SAXO5: variants seen among roughly 807,000 people sequenced by gnomAD.
SAXO5 encodes the protein stabilizer of axonemal microtubules 5.
chr19:7,499,126 A>C, the SAXO5 span, among the ~76,000 whole-genome samples: 9 of 151,974 alleles, frequency 5.9e-5, no homozygotes, highest in African/African-American at 2.2e-4. Context: ...AGCCTGACCA[A>C]TGTGGTGAAA....
At chr19:7,503,840 A>C in the SAXO5 span, among the ~76,000 whole-genome samples, 1 of 152,208 alleles carries the variant, frequency 6.6e-6, no homozygotes. Flanking sequence ...ATGTTGCCCA[A>C]GCTGGTCTCC....
chr19:7,507,977 C>T, the SAXO5 span, among the ~76,000 whole-genome samples: 4 of 152,234 alleles, frequency 2.6e-5, no homozygotes, highest in Non-Finnish European at 5.9e-5. Flanking sequence ...GGCCAAGCCC[C>T]GCCCCTGCAT....
the SAXO5 span, among the ~76,000 whole-genome samples, chr19:7,498,511 C>G: frequency 6.6e-6 from 1 of 151,740 alleles, no homozygotes; most frequent in East Asian, 1.9e-4. Context: ...ATTCTCCTGC[C>G]TCAGCCTCTG....
the SAXO5 span, among the ~76,000 whole-genome samples, chr19:7,502,236 G>C: frequency 6.6e-6 from 1 of 152,078 alleles, no homozygotes; most frequent in Non-Finnish European, 1.5e-5. Flanking sequence ...CTCCCAGGCA[G>C]CTGGGACTGC....
the SAXO5 span, chr19:7,506,007 A>G: frequency 1.9e-6 from 3 of 1,603,386 alleles, no homozygotes; most frequent in East Asian, 6.7e-5. Context: ...GTGCCTCATG[A>G]GAAATTGCAG....
At chr19:7,506,162 G>T in the SAXO5 span, 1 of 1,597,514 alleles carries the variant, frequency 6.3e-7, no homozygotes. Flanking sequence ...GCGGGGCACG[G>T]GCGGTGAGCG....
the SAXO5 span, chr19:7,499,932 T>TTTTGTGTGTGTG: frequency 9.2e-6 from 1 of 108,930 alleles, no homozygotes; most frequent in Non-Finnish European, 2.1e-5. Context: ...CTTGTCTAAT[T>TTTTGTGTGTGTG]TGTGTGTGTG....
chr19:7,503,419 A>G, the SAXO5 span, among the ~76,000 whole-genome samples: 1 of 152,060 alleles, frequency 6.6e-6, no homozygotes, highest in African/African-American at 2.4e-5. Context: ...AAAAGATGCA[A>G]TGCACTTAAC....
At chr19:7,498,922 G>A in the SAXO5 span, 1 of 152,742 alleles carries the variant, frequency 6.5e-6, no homozygotes, top group Non-Finnish European at 1.5e-5. Flanking sequence ...CTGAAGGTCA[G>A]AGGAGAGAGC....
At chr19:7,505,600 A>G in the SAXO5 span, 10 of 1,614,116 alleles carry the variant, frequency 6.2e-6, no homozygotes, top group Admixed American at 6.7e-5. Context: ...CAGTCTGGAC[A>G]CCTTCATGCA....
the SAXO5 span, among the ~76,000 whole-genome samples, chr19:7,504,755 A>G: frequency 5.4e-4 from 81 of 150,996 alleles, no homozygotes; most frequent in African/African-American, 1.9e-3. Flanking sequence ...TCCCACCCAG[A>G]TGGGACAACT....
the SAXO5 span, chr19:7,506,181 A>AAGCCCTGCCCCATGG: frequency 6.8e-7 from 1 of 1,477,458 alleles, no homozygotes; most frequent in African/African-American, 1.7e-5. Context: ...CGCTCCCGGG[A>AAGCCCTGCCCCATGG]AGCCCCGCCC....
chr19:7,505,942 C>G, the SAXO5 span: 1 of 1,547,252 alleles, frequency 6.5e-7, no homozygotes, highest in South Asian at 1.2e-5. Context: ...CCGGAGCTTT[C>G]AAATGCCATG....
chr19:7,508,310 AC>A, the SAXO5 span: 1 of 1,614,048 alleles, frequency 6.2e-7, no homozygotes, highest in Non-Finnish European at 8.5e-7. Context: ...CAGCCCTGAG[AC>A]TGAAAAATCC....
chr19:7,499,384 G>A, the SAXO5 span, among the ~76,000 whole-genome samples: 7 of 145,412 alleles, frequency 4.8e-5, no homozygotes, highest in East Asian at 1.4e-3. Flanking sequence ...GGGGAGGGGC[G>A]GGGGAGGGGG....
chr19:7,501,542 C>T, the SAXO5 span: 1 of 1,020,994 alleles, frequency 9.8e-7, no homozygotes, highest in Non-Finnish European at 1.3e-6. Flanking sequence ...TGGGGGGTGG[C>T]CGGGCGCGGT....
At chr19:7,505,376 G>A in the SAXO5 span, 1 of 1,614,202 alleles carries the variant, frequency 6.2e-7, no homozygotes, top group South Asian at 1.1e-5. Context: ...TATCCGTCCT[G>A]GTGACGGCCT....
the SAXO5 span, chr19:7,507,108 T>A: frequency 6.2e-7 from 1 of 1,613,748 alleles, no homozygotes; most frequent in African/African-American, 1.3e-5. Flanking sequence ...ACAGAACACC[T>A]CCGGCCCCGG....
At chr19:7,501,009 C>T in the SAXO5 span, 1 of 1,529,132 alleles carries the variant, frequency 6.5e-7, no homozygotes, top group Non-Finnish European at 8.7e-7. Flanking sequence ...GCAGCCGCCG[C>T]CCGCGCTGCT....
Sources: allele counts gnomAD v4.1 joint callset (sites outside exome capture counted in the v4.1 genomes callset), GRCh38; gene constraint gnomAD v4.1.1; transcripts MANE v1.5; gene names NCBI Gene and HGNC (gene_info 2026-07-23, HGNC 2026-07-21).